AFG2A: variants seen among roughly 807,000 people sequenced by gnomAD.
The protein encoded by AFG2A is ATPase family gene 2 protein homolog A.
the AFG2A span, among the ~76,000 whole-genome samples, chr4:123,141,115 A>T: frequency 6.6e-6 from 1 of 152,196 alleles, no homozygotes; most frequent in Non-Finnish European, 1.5e-5. Context: ...TACTGTTTTC[A>T]TGTGTTTAAA....
the AFG2A span, among the ~76,000 whole-genome samples, chr4:123,132,928 C>T: frequency 6.6e-6 from 1 of 151,872 alleles, no homozygotes; most frequent in African/African-American, 2.4e-5. Context: ...CTACAGGCGC[C>T]CACCACCACG....
At chr4:123,173,002 GTAGAAA>G in the AFG2A span, among the ~76,000 whole-genome samples, 3 of 152,134 alleles carry the variant, frequency 2.0e-5, no homozygotes, top group Non-Finnish European at 4.4e-5. Context: ...ATGTAAAAAT[GTAGAAA>G]ACTTAAATAG....
the AFG2A span, among the ~76,000 whole-genome samples, chr4:123,152,909 T>A: frequency 2.0e-5 from 3 of 152,240 alleles, no homozygotes; most frequent in African/African-American, 7.2e-5. Flanking sequence ...AGACTGAGAT[T>A]TCTTTAACAG....
chr4:123,259,508 A>G, the AFG2A span, among the ~76,000 whole-genome samples: 9 of 152,324 alleles, frequency 5.9e-5, no homozygotes, highest in African/African-American at 2.2e-4. Flanking sequence ...CCCTGTGGCT[A>G]TGGCCCTCAT....
chr4:123,123,876 CG>C, the AFG2A span, among the ~76,000 whole-genome samples: 1 of 136,494 alleles, frequency 7.3e-6, no homozygotes, highest in Non-Finnish European at 1.5e-5. Flanking sequence ...GGCGTGAACC[CG>C]GGAGGCGGAG....
At chr4:123,249,148 G>A in the AFG2A span, among the ~76,000 whole-genome samples, 2 of 152,188 alleles carry the variant, frequency 1.3e-5, no homozygotes, top group Admixed American at 1.3e-4. Flanking sequence ...GTACTTGGAA[G>A]AGTCATAGAA....
chr4:123,019,460 A>G, the AFG2A span, among the ~76,000 whole-genome samples: 1 of 152,154 alleles, frequency 6.6e-6, no homozygotes, highest in Non-Finnish European at 1.5e-5. Flanking sequence ...ATTAACAAGG[A>G]TTACTTTTAG....
the AFG2A span, chr4:123,056,422 T>G: frequency 1.9e-6 from 3 of 1,612,880 alleles, no homozygotes; most frequent in Non-Finnish European, 2.5e-6. Flanking sequence ...TTGGTGAATC[T>G]GAAAGAGCAG....
the AFG2A span, among the ~76,000 whole-genome samples, chr4:122,931,634 G>A: frequency 6.6e-6 from 1 of 152,108 alleles, no homozygotes; most frequent in Non-Finnish European, 1.5e-5. Flanking sequence ...TGTTAGAAAT[G>A]TTAAGGGACT....
the AFG2A span, among the ~76,000 whole-genome samples, chr4:122,947,067 G>A: frequency 6.6e-6 from 1 of 151,848 alleles, no homozygotes; most frequent in African/African-American, 2.4e-5. Context: ...TAATAAAAAT[G>A]TATTACTAAT....
chr4:123,292,360 C>A, the AFG2A span, among the ~76,000 whole-genome samples: 1 of 152,054 alleles, frequency 6.6e-6, no homozygotes, highest in African/African-American at 2.4e-5. Flanking sequence ...ATTTTTTTAT[C>A]TGGCATTTCA....
chr4:123,240,529 G>A, the AFG2A span, among the ~76,000 whole-genome samples: 1 of 152,182 alleles, frequency 6.6e-6, no homozygotes, highest in African/African-American at 2.4e-5. Context: ...GCCCCTGAAT[G>A]ACTACTGAGT....
chr4:123,148,776 T>C, the AFG2A span, among the ~76,000 whole-genome samples: 2 of 151,236 alleles, frequency 1.3e-5, no homozygotes, highest in African/African-American at 4.9e-5. Flanking sequence ...TCTATTTTTT[T>C]TTTTTTTTTT....
the AFG2A span, among the ~76,000 whole-genome samples, chr4:123,260,866 C>T: frequency 1.3e-5 from 2 of 152,136 alleles, no homozygotes; most frequent in South Asian, 4.1e-4. Context: ...ACCAGGGGTC[C>T]CCAACCTCCT....
At chr4:123,180,209 G>T in the AFG2A span, among the ~76,000 whole-genome samples, 9 of 152,142 alleles carry the variant, frequency 5.9e-5, no homozygotes, top group African/African-American at 2.2e-4. Flanking sequence ...GACAGAGTGA[G>T]ACTCTGTCTC....
the AFG2A span, among the ~76,000 whole-genome samples, chr4:122,948,178 A>G: frequency 2.0e-5 from 3 of 152,118 alleles, no homozygotes; most frequent in African/African-American, 7.2e-5. Context: ...TGAGGGGTCA[A>G]CTGTATTTAC....
chr4:123,242,163 T>C, the AFG2A span, among the ~76,000 whole-genome samples: 1 of 151,958 alleles, frequency 6.6e-6, no homozygotes, highest in Admixed American at 6.6e-5. Context: ...AGAATCAATA[T>C]TGTGAAAATA....
At chr4:123,179,948 A>C in the AFG2A span, among the ~76,000 whole-genome samples, 2 of 152,308 alleles carry the variant, frequency 1.3e-5, no homozygotes, top group Admixed American at 1.3e-4. Context: ...GGCCAGGCAC[A>C]GTGACTCCTG....
At chr4:122,936,011 T>C in the AFG2A span, 23 of 1,339,586 alleles carry the variant, frequency 1.7e-5, no homozygotes, top group Non-Finnish European at 2.2e-5. Flanking sequence ...TTAAGTATTA[T>C]AGAAATATTG....
Sources: gnomAD v4.1 joint callset for allele counts (sites outside exome capture counted in the v4.1 genomes callset) on GRCh38, gnomAD v4.1.1 for gene constraint, MANE v1.5 for transcripts, NCBI Gene and HGNC (gene_info 2026-07-23, HGNC 2026-07-21) for gene names.